TPD52L2: variants seen among roughly 807,000 people sequenced by gnomAD.
TPD52L2 encodes the protein TPD52 like 2.
In TPD52L2, 19 loss-of-function variants were observed where a neutral mutation model predicts 24.7. That is an observed-to-expected ratio of 0.77 (90% CI 0.54 to 1.13). The LOEUF (loss-of-function observed/expected upper bound fraction) is 1.13. Among genes scored for constraint, TPD52L2 ranks in the 50% most tolerant of loss-of-function variants. TPD52L2 has a pLI of 0.00. For synonymous variants in TPD52L2, 104 were observed against 100.2 expected (o/e 1.04, Z -0.23); for missense variants, 236 against 250.4 (o/e 0.94, Z 0.39).
chr20:63,878,771 C>T (rs898713263), intron 4 of TPD52L2, among the ~76,000 whole-genome samples: 1 of 152,200 alleles, frequency 6.6e-6, no homozygotes, highest in African/African-American at 2.4e-5. Context: ...CGCTGTCTGT[C>T]CAGGGCTCTC....
intron 5 of TPD52L2, chr20:63,887,701 C>T: frequency 7.8e-7 from 1 of 1,288,082 alleles, no homozygotes; most frequent in Non-Finnish European, 1.1e-6. Flanking sequence ...TCCCATATTC[C>T]TGGATTAATT....
chr20:63,875,567 G>A (rs933838223), intron 3 of TPD52L2, among the ~76,000 whole-genome samples: 3 of 152,188 alleles, frequency 2.0e-5, no homozygotes, highest in African/African-American at 4.8e-5. Flanking sequence ...ATCTCCTAGC[G>A]AGAGACCAGG....
In TPD52L2 at chr20:63,867,174, G is replaced by A. The variant is rs531879287; in HGVS notation, c.19+1790G>A. 3.3e-5 allele frequency among the ~76,000 whole-genome samples: 5 copies of A among 152,068 alleles called. No homozygotes were observed. In the South Asian group the frequency reaches 6.2e-4, roughly 19 times the overall value. On this transcript the variant is annotated intron_variant, in intron 1 of 6. Transcript: ENST00000346249. ...TCTCCATGTTGGTCAAGCTGGTCTCGAACTTCTGACCTCAGGTGATCTGCC... is the reference window on the plus strand; with the variant it reads ...TCTCCATGTTGGTCAAGCTGGTCTCAAACTTCTGACCTCAGGTGATCTGCC...
At chr20:63,876,599 A>T (rs1281638361) in intron 4 of TPD52L2, 2 of 362,732 alleles carry the variant, frequency 5.5e-6, no homozygotes, top group South Asian at 2.0e-5. Flanking sequence ...GGATTTTTTC[A>T]TCTGTTATTT....
intron 2 of TPD52L2, among the ~76,000 whole-genome samples, chr20:63,871,384 CTG>C (rs2146187586): frequency 6.6e-6 from 1 of 151,580 alleles, no homozygotes; most frequent in African/African-American, 2.4e-5. Context: ...GAGTCTCACT[CTG>C]TCGCCCAGGC....
chr20:63,882,470 C>T (rs868242523), intron 4 of TPD52L2, among the ~76,000 whole-genome samples: 4 of 152,198 alleles, frequency 2.6e-5, no homozygotes, highest in African/African-American at 7.2e-5. Flanking sequence ...GCTGGGGGGC[C>T]GAGACTCGGC....
chr20:63,880,589 C>G (rs960978226), intron 4 of TPD52L2, among the ~76,000 whole-genome samples: 2 of 152,250 alleles, frequency 1.3e-5, no homozygotes, highest in Non-Finnish European at 2.9e-5. Flanking sequence ...TTAAAGATGT[C>G]TTCAGAATTT....
At chr20:63,871,440 C>T (rs2052460631) in intron 2 of TPD52L2, among the ~76,000 whole-genome samples, 1 of 151,948 alleles carries the variant, frequency 6.6e-6, no homozygotes, top group Admixed American at 6.6e-5. Flanking sequence ...GCCTCCACCT[C>T]CTGAGTTGAA....
chr20:63,872,851 C>T (rs772660765), intron 2 of TPD52L2, among the ~76,000 whole-genome samples: 1 of 152,014 alleles, frequency 6.6e-6, no homozygotes, highest in Non-Finnish European at 1.5e-5. Flanking sequence ...CTACAGGTGC[C>T]CGCCACCGTG....
intron 3 of TPD52L2, among the ~76,000 whole-genome samples, chr20:63,874,906 G>A (rs2052609441): frequency 6.6e-6 from 1 of 152,162 alleles, no homozygotes; most frequent in African/African-American, 2.4e-5. Context: ...TTGGGAGGCT[G>A]AGGCGGGTGT....
rs1320828271 is a variant in TPD52L2, at chr20:63,865,334, G to T, written c.-32G>T. Reference sequence around the variant, plus strand: ...GCGCCGCCCGCTCGGCTCCCATAGCGCCCGCGACAGCGGTCCGGACGCCGC... The same window carrying T: ...GCGCCGCCCGCTCGGCTCCCATAGCTCCCGCGACAGCGGTCCGGACGCCGC... On this transcript the variant is annotated 5_prime_UTR_variant, in exon 1 of 7. Coordinates refer to ENST00000346249, the MANE Select transcript of TPD52L2 (RefSeq NM_003288.4). 5 of 1,519,970 alleles carry T rather than the reference G, an allele frequency of 3.3e-6. No homozygotes were observed. The highest frequency in any genetic ancestry group is 4.4e-6 in the Non-Finnish European group (5 of 1,139,868). The allele number at this position is 1,519,970 out of a possible 1,614,324, so 94.2% of individuals were successfully genotyped here.
intron 4 of TPD52L2, among the ~76,000 whole-genome samples, chr20:63,879,268 A>T (rs2052805026): frequency 6.6e-6 from 1 of 151,942 alleles, no homozygotes; most frequent in African/African-American, 2.4e-5. Context: ...TCCACACCCG[A>T]GCAATGCTGA....
At position 63,876,513 on chromosome 20, in the gene TPD52L2, C is replaced by T. The variant is rs528606114; in HGVS notation, c.374+638C>T. Reference sequence around the variant, plus strand: ...GAGATCCTTAAACTAGATAATAGCACTTCATTTACTTGTGCTCTGATCTGA... The same window carrying T: ...GAGATCCTTAAACTAGATAATAGCATTTCATTTACTTGTGCTCTGATCTGA... On this transcript the variant is annotated intron_variant, in intron 4 of 6. Transcript: ENST00000346249. The T allele has an allele frequency of 2.9e-5, 10 of 345,642 alleles. No homozygotes were observed. In the Admixed American group the frequency reaches 4.1e-4, roughly 14 times the overall value. The allele number at this position is 345,642 out of a possible 1,614,324, so 21.4% of individuals were successfully genotyped here. A position where few individuals can be genotyped will look rare whatever the true frequency, so the allele number is the denominator to read the frequency against.
At chr20:63,871,392 C>T (rs903479092) in intron 2 of TPD52L2, among the ~76,000 whole-genome samples, 11 of 151,788 alleles carry the variant, frequency 7.2e-5, no homozygotes, top group Non-Finnish European at 7.4e-5. Context: ...CTCTGTCGCC[C>T]AGGCTGGAGT....
intron 4 of TPD52L2, among the ~76,000 whole-genome samples, chr20:63,881,292 G>A (rs1448850306): frequency 6.6e-6 from 1 of 152,016 alleles, no homozygotes; most frequent in Non-Finnish European, 1.5e-5. Flanking sequence ...ACCCGGAGGC[G>A]GAGGTTGTAG....
chr20:63,883,005 G>T (rs190209787), intron 5 of TPD52L2, among the ~76,000 whole-genome samples, 185 bp downstream of exon 5: 1 of 152,150 alleles, frequency 6.6e-6, no homozygotes, highest in African/African-American at 2.4e-5. Context: ...GTCCATCCCC[G>T]TTGGCTGCTT....
Position 63,865,290 on chromosome 20 carries a change from A to T in TPD52L2, c.-76A>T, listed in dbSNP as rs1017170092. On this transcript the variant is annotated 5_prime_UTR_variant, in exon 1 of 7. Coordinates refer to ENST00000346249, the MANE Select transcript of TPD52L2 (RefSeq NM_003288.4). ...GAGGCAGTTCCGCTGGCTAGTGTGT[A>T]CGCGGCGAGCTTCTCCCGGCGCCGC... The T allele has an allele frequency of 6.8e-7, 1 of 1,470,614 alleles. No individual in the cohort carries two copies. Among genetic ancestry groups the T allele is most frequent in the Non-Finnish European group, 9.0e-7 (1 of 1,113,182 alleles). The allele number at this position is 1,470,614 out of a possible 1,614,324, so 91.1% of individuals were successfully genotyped here. A position where few individuals can be genotyped will look rare whatever the true frequency, so the allele number is the denominator to read the frequency against.
Position 63,882,782 on chromosome 20 carries a change from A to G in TPD52L2, c.438A>G (p.Thr146=), listed in dbSNP as rs772549536. Residue 146 remains threonine (T), a synonymous_variant, in exon 5 of 7, where the codon ACA becomes ACG. Transcript: ENST00000346249. ...AGAAGACTTCAGCTGCCCTGTCCAC[A>G]GTGGGCTCTGCCATCAGCAGGAAGC... ...AGQKTSAALS[T]VGSAISRKLG... 1.9e-6 allele frequency: 3 copies of G among 1,613,888 alleles called. No homozygotes were observed. The East Asian group carries it at 6.7e-5, about 36-fold the overall frequency.
intron 5 of TPD52L2, chr20:63,887,840 A>C (rs2053191542): frequency 5.2e-6 from 3 of 577,718 alleles, no homozygotes; most frequent in Non-Finnish European, 9.2e-6. Flanking sequence ...CCTTGTGTCA[A>C]ACTGGGCCGT....
Sources: gnomAD v4.1 joint callset for allele counts (sites outside exome capture counted in the v4.1 genomes callset) on GRCh38, gnomAD v4.1.1 for gene constraint, MANE v1.5 for transcripts, NCBI Gene and HGNC (gene_info 2026-07-23, HGNC 2026-07-21) for gene names.